Variants in GYPE observed in about 807,000 individuals in gnomAD.
GYPE encodes the protein glycophorin E (MNS blood group).
Under a neutral mutation model 11.6 loss-of-function variants are expected in GYPE, and 8 were observed. The ratio of observed to expected loss-of-function variants is 0.69; its 90% CI spans 0.41 to 1.25. GYPE has a LOEUF of 1.25. GYPE is among the 50% of genes most tolerant of loss of function. GYPE has a pLI of 0.01. For synonymous variants in GYPE, 28 were observed against 29.6 expected (o/e 0.94, Z 0.18); for missense variants, 90 against 92.8 (o/e 0.97, Z 0.12).
intron 2 of GYPE, among the ~76,000 whole-genome samples, chr4:143,877,266 C>G (rs1263304991): frequency 6.6e-6 from 1 of 152,120 alleles, no homozygotes; most frequent in Non-Finnish European, 1.5e-5. Flanking sequence ...GAGCATTGAA[C>G]AGATCATAGA....
chr4:143,893,017 AG>A (rs1346938723), intron 1 of GYPE, among the ~76,000 whole-genome samples: 110 of 115,004 alleles, frequency 9.6e-4, no homozygotes, highest in Non-Finnish European at 1.8e-3. Flanking sequence ...ATATATATTT[AG>A]GATAGTTAGC....
chr4:143,888,001 C>T (rs1236359980), intron 1 of GYPE, among the ~76,000 whole-genome samples: 3 of 55,536 alleles, frequency 5.4e-5, no homozygotes, highest in Non-Finnish European at 8.0e-5. Flanking sequence ...TGTATAACAT[C>T]GGATATGTTC....
rs913624607 is a variant in GYPE at position 143,871,542 on chromosome 4, A to G, written c.*720T>C. On this transcript the variant is annotated 3_prime_UTR_variant, in exon 4 of 4. Transcript: ENST00000358615. The stretch of plus-strand genomic sequence containing the variant: ...TGTACAAGGAGAGGAATGCAGAGGG[A>G]AAGCGATTCACTGGAGTCTCTCGTC... 6.6e-6 allele frequency: 1 copy of G among 152,188 alleles called. No individual in the cohort carries two copies. Among genetic ancestry groups the G allele is most frequent in the African/African-American group, 2.4e-5 (1 of 41,424 alleles). 9.4% of individuals were successfully genotyped at this position (152,188 alleles called of 1,614,324 possible).
chr4:143,872,407 T>A (rs1313801587), intron 3 of GYPE, among the ~76,000 whole-genome samples, 155 bp from the exon 4 acceptor site: 2 of 152,114 alleles, frequency 1.3e-5, no homozygotes, highest in Admixed American at 6.6e-5. Context: ...CCATGCAGTA[T>A]AAGCAAATTT....
At chr4:143,897,368 C>T (rs1213394154) in intron 1 of GYPE, among the ~76,000 whole-genome samples, 2 of 151,754 alleles carry the variant, frequency 1.3e-5, no homozygotes, top group African/African-American at 4.8e-5. Context: ...ACTTGAGAGG[C>T]AGAAGCTGGA....
rs897090926 is a variant in GYPE at position 143,892,472 on chromosome 4, C to G, written c.38-11963G>C. On this transcript the variant is annotated intron_variant, in intron 1 of 3. Transcript: ENST00000358615. ...AGTGCTATAAATTTCCCTCTACACACAGCTTTGAATGTGTCCCAGAGATTC... is the reference window on the plus strand; with the variant it reads ...AGTGCTATAAATTTCCCTCTACACAGAGCTTTGAATGTGTCCCAGAGATTC... Among the ~76,000 whole-genome samples, 288 of 151,912 alleles carry G rather than the reference C, an allele frequency of 1.9e-3. 3 individuals are homozygous for G. Among genetic ancestry groups the G allele is most frequent in the African/African-American group, 6.6e-3 (273 of 41,416 alleles).
intron 1 of GYPE, among the ~76,000 whole-genome samples, chr4:143,904,286 T>G (rs934011150): frequency 2.6e-5 from 4 of 152,142 alleles, no homozygotes; most frequent in Non-Finnish European, 2.9e-5. Flanking sequence ...AGAAAATGCA[T>G]AGTAAGCTTA....
intron 3 of GYPE, among the ~76,000 whole-genome samples, chr4:143,872,571 C>G (rs1438309785): frequency 2.0e-5 from 3 of 151,956 alleles, no homozygotes. Flanking sequence ...AGACTACAAG[C>G]TGCTTTGCGT....
chr4:143,898,355 C>T (rs751290709), intron 1 of GYPE, among the ~76,000 whole-genome samples: 33 of 151,978 alleles, frequency 2.2e-4, no homozygotes, highest in African/African-American at 6.5e-4. Context: ...CCAGCCTGGG[C>T]GACAGAACGA....
intron 1 of GYPE, among the ~76,000 whole-genome samples, chr4:143,891,951 TG>T (rs1209133379): frequency 1.3e-5 from 2 of 152,172 alleles, no homozygotes; most frequent in African/African-American, 4.8e-5. Flanking sequence ...GGACTCTTTT[TG>T]GTTGGTAAGC....
chr4:143,889,350 T>C (rs1744317737), intron 1 of GYPE, among the ~76,000 whole-genome samples: 1 of 152,038 alleles, frequency 6.6e-6, no homozygotes, highest in Non-Finnish European at 1.5e-5. Context: ...CCTGGACAGA[T>C]GGAAATCAAG....
intron 1 of GYPE, among the ~76,000 whole-genome samples, chr4:143,898,821 G>A (rs34500825): frequency 6.6e-6 from 1 of 152,082 alleles, no homozygotes; most frequent in Non-Finnish European, 1.5e-5. Flanking sequence ...ATGTTTCTGA[G>A]GTCTGAATCT....
intron 1 of GYPE, among the ~76,000 whole-genome samples, chr4:143,898,777 A>AT (rs1744756951): frequency 6.6e-6 from 1 of 152,156 alleles, no homozygotes; most frequent in Non-Finnish European, 1.5e-5. Context: ...CCATACACTC[A>AT]TTTTGAAAGA....
intron 1 of GYPE, among the ~76,000 whole-genome samples, chr4:143,897,312 C>G (rs1032051706): frequency 2.6e-5 from 4 of 151,388 alleles, no homozygotes; most frequent in African/African-American, 9.7e-5. Context: ...AATTAAATAA[C>G]AAAAAAATTA....
chr4:143,892,518 C>G (rs1744447844), intron 1 of GYPE, among the ~76,000 whole-genome samples: 1 of 151,630 alleles, frequency 6.6e-6, no homozygotes, highest in Non-Finnish European at 1.5e-5. Flanking sequence ...TGTCTTTGTT[C>G]TCATTGGTTT....
chr4:143,896,958 G>C (rs1744673745), intron 1 of GYPE, among the ~76,000 whole-genome samples: 1 of 151,060 alleles, frequency 6.6e-6, no homozygotes, highest in Non-Finnish European at 1.5e-5. Flanking sequence ...ACTGAACAAT[G>C]AGAACACATG....
At chr4:143,883,267 C>T (rs1744110655) in intron 1 of GYPE, among the ~76,000 whole-genome samples, 1 of 151,996 alleles carries the variant, frequency 6.6e-6, no homozygotes, top group South Asian at 2.1e-4. Flanking sequence ...CCTACTTTCC[C>T]TTCGTCTTTT....
chr4:143,872,583 G>T (rs1171980459), intron 3 of GYPE, among the ~76,000 whole-genome samples: 1 of 152,004 alleles, frequency 6.6e-6, no homozygotes, highest in Non-Finnish European at 1.5e-5. Flanking sequence ...GCTTTGCGTT[G>T]GGTAGGCAGG....
At chr4:143,883,923 A>C (rs2149908291) in intron 1 of GYPE, among the ~76,000 whole-genome samples, 1 of 152,266 alleles carries the variant, frequency 6.6e-6, no homozygotes, top group East Asian at 1.9e-4. Context: ...ATATTCCTCC[A>C]AGTTTCCTAA....
Sources: allele counts gnomAD v4.1 joint callset (sites outside exome capture counted in the v4.1 genomes callset), GRCh38; gene constraint gnomAD v4.1.1; transcripts MANE v1.5; gene names NCBI Gene and HGNC (gene_info 2026-07-23, HGNC 2026-07-21).